ANXA13: variants seen among roughly 807,000 people sequenced by gnomAD.
ANXA13 encodes annexin A13.
A neutral mutation model predicts 46.6 loss-of-function variants in ANXA13; 36 were observed. The observed-to-expected ratio is 0.77, with a 90% CI of 0.59 to 1.02. The LOEUF (loss-of-function observed/expected upper bound fraction) is 1.02. Ranked by LOEUF, ANXA13 falls within the 50% of genes least tolerant of loss-of-function variation. The pLI is 0.00. For missense variants in ANXA13, 417 were observed against 396.5 expected, an observed-to-expected ratio of 1.05 and a Z score of -0.44; for synonymous variants, 163 against 152.9, an observed-to-expected ratio of 1.07 and a Z score of -0.49.
At chr8:123,709,722 A>G (rs921850267) in intron 2 of ANXA13, among the ~76,000 whole-genome samples, 2 of 152,220 alleles carry the variant, frequency 1.3e-5, no homozygotes, top group Non-Finnish European at 2.9e-5. Context: ...TTCTTGGGCA[A>G]GGCTACCATT....
At chr8:123,707,243 A>G (rs150624913) in intron 2 of ANXA13, among the ~76,000 whole-genome samples, 27 of 152,348 alleles carry the variant, frequency 1.8e-4, no homozygotes, top group Middle Eastern at 6.8e-3. Flanking sequence ...TGTCATCACG[A>G]CAGAACCTTG....
intron 1 of ANXA13, among the ~76,000 whole-genome samples, chr8:123,733,039 T>C (rs1355914261): frequency 6.6e-6 from 1 of 152,100 alleles, no homozygotes; most frequent in Non-Finnish European, 1.5e-5. Context: ...GGCACATGCC[T>C]GTAGTCCCAC....
rs185849654 is a variant in ANXA13 at position 123,685,486 on chromosome 8, G to A, written c.719-764C>T. Among the ~76,000 whole-genome samples the A allele has an allele frequency of 6.6e-5, 10 of 151,910 alleles. No individual in the cohort carries two copies. The East Asian group carries it at 9.7e-4, about 15-fold the overall frequency. On this transcript the variant is annotated intron_variant, in intron 9 of 10. Coordinates refer to ENST00000419625, the MANE Select transcript of ANXA13 (RefSeq NM_004306.4). ...CATATGAATCCATCATGGCTAACAC[G>A]TTAGAGGAAAAAAAAAATATTTGCC...
intron 7 of ANXA13, 59 bp from the exon 8 acceptor site, chr8:123,693,357 G>C (rs1349447445): frequency 6.8e-7 from 1 of 1,462,554 alleles, no homozygotes. Context: ...TGATTATGCA[G>C]TGCTGTGACT....
intron 2 of ANXA13, among the ~76,000 whole-genome samples, chr8:123,705,567 C>G (rs1170337091): frequency 4.6e-5 from 7 of 152,210 alleles, no homozygotes. Flanking sequence ...TTATCCAAGA[C>G]TGCAGTAGTG....
intron 8 of ANXA13, among the ~76,000 whole-genome samples, 171 bp from the exon 9 acceptor site, chr8:123,689,117 C>T (rs928085879): frequency 4.6e-5 from 7 of 151,934 alleles, no homozygotes; most frequent in Admixed American, 1.3e-4. Flanking sequence ...GCCACCCATT[C>T]GAGAGAGGGC....
chr8:123,712,648 A>G, intron 2 of ANXA13, 30 bp downstream of exon 2: 14 of 1,606,336 alleles, frequency 8.7e-6, no homozygotes, highest in Non-Finnish European at 1.2e-5. Flanking sequence ...CAACTTCAGA[A>G]GCAAATTAGC....
At chr8:123,703,431 T>C (rs1813483431) in intron 2 of ANXA13, among the ~76,000 whole-genome samples, 2 of 152,180 alleles carry the variant, frequency 1.3e-5, no homozygotes, top group African/African-American at 4.8e-5. Flanking sequence ...GTGGTGGTGG[T>C]TGCATGCATC....
intron 3 of ANXA13, among the ~76,000 whole-genome samples, chr8:123,698,896 C>T (rs954221612): frequency 1.3e-5 from 2 of 152,136 alleles, no homozygotes; most frequent in African/African-American, 4.8e-5. Context: ...ATCTGTTGAA[C>T]CTGATAAGAT....
At chr8:123,715,241 A>T (rs1446648674) in intron 1 of ANXA13, among the ~76,000 whole-genome samples, 1 of 152,236 alleles carries the variant, frequency 6.6e-6, no homozygotes, top group Non-Finnish European at 1.5e-5. Context: ...TATTAAGCCA[A>T]GCACAGGGCC....
At position 123,732,581 on chromosome 8, in the gene ANXA13, T is replaced by C. The variant is rs144627848; in HGVS notation, c.15+4739A>G. Among the ~76,000 whole-genome samples, 558 of 152,262 alleles carry C rather than the reference T, an allele frequency of 3.7e-3. 2 individuals are homozygous for C. Among genetic ancestry groups the C allele is most frequent in the African/African-American group, 0.012 (516 of 41,538 alleles). ...CCAGACTCCCGCGGCTCTAGAATTCTTGTGTTGAGGTTTCATTTAACATGT... is the reference window on the plus strand; with the variant it reads ...CCAGACTCCCGCGGCTCTAGAATTCCTGTGTTGAGGTTTCATTTAACATGT... On this transcript the variant is annotated intron_variant, in intron 1 of 10. Coordinates refer to ENST00000419625, the MANE Select transcript of ANXA13 (RefSeq NM_004306.4).
At chr8:123,725,064 C>T (rs111938367) in intron 1 of ANXA13, among the ~76,000 whole-genome samples, 6,004 of 152,268 alleles carry the variant, frequency 0.039, 169 homozygotes, top group Middle Eastern at 0.079. Context: ...CCTTACCCTT[C>T]AGCTGGCAAC....
intron 1 of ANXA13, chr8:123,735,882 G>T (rs1173624290): frequency 6.3e-7 from 1 of 1,587,726 alleles, no homozygotes; most frequent in Non-Finnish European, 8.6e-7. Flanking sequence ...CTGGCTCTGA[G>T]GATTAAAAAA....
chr8:123,736,365 A>G (rs1186694270), intron 1 of ANXA13, among the ~76,000 whole-genome samples: 1 of 151,856 alleles, frequency 6.6e-6, no homozygotes, highest in East Asian at 1.9e-4. Flanking sequence ...CAATGTAAAA[A>G]ATATTCAAGA....
At chr8:123,693,519 C>T (rs558286972) in intron 7 of ANXA13, among the ~76,000 whole-genome samples, 192 bp downstream of exon 7, 8 of 152,172 alleles carry the variant, frequency 5.3e-5, no homozygotes, top group Middle Eastern at 3.4e-3. Flanking sequence ...TGTGGTCAAC[C>T]CCAGAGTATA....
At chr8:123,700,369 C>T (rs1389356566) in intron 3 of ANXA13, among the ~76,000 whole-genome samples, 1 of 152,222 alleles carries the variant, frequency 6.6e-6, no homozygotes, top group Non-Finnish European at 1.5e-5. Context: ...GATAGCTCAG[C>T]TCTACTCCTG....
At chr8:123,691,871 T>C (rs191770649) in intron 8 of ANXA13, among the ~76,000 whole-genome samples, 1 of 152,184 alleles carries the variant, frequency 6.6e-6, no homozygotes, top group African/African-American at 2.4e-5. Flanking sequence ...TACTTTCAGG[T>C]AGTCAGTTCA....
chr8:123,684,965 C>T (rs1020888637), intron 9 of ANXA13, among the ~76,000 whole-genome samples: 3 of 152,230 alleles, frequency 2.0e-5, no homozygotes, highest in Admixed American at 2.0e-4. Flanking sequence ...AGAGCTGTGG[C>T]ATCCTCGGGC....
At chr8:123,708,888 C>T (rs1179938740) in intron 2 of ANXA13, among the ~76,000 whole-genome samples, 4 of 152,192 alleles carry the variant, frequency 2.6e-5, no homozygotes, top group Admixed American at 6.5e-5. Context: ...TCTCCATCTG[C>T]CCATGGCCTT....
Sources: gnomAD v4.1 joint callset for allele counts (sites outside exome capture counted in the v4.1 genomes callset) on GRCh38, gnomAD v4.1.1 for gene constraint, MANE v1.5 for transcripts, NCBI Gene and HGNC (gene_info 2026-07-23, HGNC 2026-07-21) for gene names.